The following NTRK3 variants were observed in gnomAD, a reference collection of about 807,000 sequenced individuals.
NTRK3 encodes the protein NT-3 growth factor receptor.
A neutral mutation model predicts 91.7 loss-of-function variants in NTRK3; 24 were observed. The ratio of observed to expected loss-of-function variants is 0.26; its 90% CI spans 0.19 to 0.37. The LOEUF (loss-of-function observed/expected upper bound fraction) is 0.37. Ranked by LOEUF, NTRK3 falls within the 10% of genes least tolerant of loss-of-function variation. The pLI, the probability that NTRK3 is intolerant of heterozygous loss-of-function variation, is 1.00. For synonymous variants in NTRK3, 483 were observed against 404.0 expected (o/e 1.20, Z -2.34); for missense variants, 880 against 1,068.9 (o/e 0.82, Z 2.46).
chr15:87,919,316 C>T (rs954100851), intron 17 of NTRK3, among the ~76,000 whole-genome samples: 3 of 152,132 alleles, frequency 2.0e-5, no homozygotes, highest in Non-Finnish European at 4.4e-5. Flanking sequence ...AGGGCACTTC[C>T]CAGGACTAAT....
chr15:88,226,808 T>C (rs73448685), intron 3 of NTRK3, among the ~76,000 whole-genome samples: 2,349 of 152,294 alleles, frequency 0.015, 55 homozygotes, highest in African/African-American at 0.052. Flanking sequence ...CCAGGCCAAG[T>C]GTTTTGCAGA....
chr15:88,191,163 CGTGT>C (rs60048541), intron 3 of NTRK3, among the ~76,000 whole-genome samples: 31,349 of 137,602 alleles, frequency 0.23, 3,653 homozygotes, highest in African/African-American at 0.33. Context: ...TGATGTTTCC[CGTGT>C]GTGTGTGTGT....
chr15:88,146,989 C>G, intron 6 of NTRK3, among the ~76,000 whole-genome samples: 1 of 151,772 alleles, frequency 6.6e-6, no homozygotes, highest in Non-Finnish European at 1.5e-5. Context: ...GAAAGCATGC[C>G]TAATAGTCTA....
At chr15:87,996,239 G>A (rs1020672557) in intron 14 of NTRK3, among the ~76,000 whole-genome samples, 13 of 151,954 alleles carry the variant, frequency 8.6e-5, no homozygotes, top group African/African-American at 2.2e-4. Context: ...GAGAGACTCC[G>A]TCTCTAAAAA....
At chr15:88,026,259 A>G (rs2078030909) in intron 14 of NTRK3, among the ~76,000 whole-genome samples, 1 of 152,248 alleles carries the variant, frequency 6.6e-6, no homozygotes. Context: ...CGACAGAGTG[A>G]AACTCCGTTT....
intron 17 of NTRK3, chr15:87,908,387 C>T (rs1012090768): frequency 2.5e-6 from 1 of 398,120 alleles, no homozygotes; most frequent in Non-Finnish European, 4.4e-6. Context: ...TGGAAGCAGG[C>T]CCCAGCCCAT....
rs377049777 is a variant in NTRK3, at chr15:88,199,832, T to A, written c.249-15533A>T. Among the ~76,000 whole-genome samples the A allele has an allele frequency of 1.1e-4, 16 of 152,318 alleles. 1 individual carries two copies. The highest frequency in any genetic ancestry group is 3.6e-4 in the African/African-American group (15 of 41,556). On this transcript the variant is annotated intron_variant, in intron 3 of 18. Coordinates refer to ENST00000394480, the Ensembl canonical transcript of NTRK3. ...GAGTTTACTCAAAGATCCCAGGGGC[T>A]TGGGAATGTAGAACCTCACAGCTGG...
At chr15:88,122,238 A>T (rs567829837) in intron 13 of NTRK3, among the ~76,000 whole-genome samples, 1 of 152,374 alleles carries the variant, frequency 6.6e-6, no homozygotes, top group African/African-American at 2.4e-5. Context: ...ATATATGTGT[A>T]CATATACATA....
chr15:87,999,292 C>T (rs2075931618), intron 14 of NTRK3, among the ~76,000 whole-genome samples: 1 of 152,164 alleles, frequency 6.6e-6, no homozygotes, highest in Non-Finnish European at 1.5e-5. Context: ...AGCCTGTAAC[C>T]TTTGATGCTT....
At chr15:87,884,711 G>C (rs1167679915) in intron 17 of NTRK3, among the ~76,000 whole-genome samples, 17 of 151,652 alleles carry the variant, frequency 1.1e-4, no homozygotes, top group Non-Finnish European at 5.9e-5. Flanking sequence ...GGAACCTACT[G>C]TTAAATTTAC....
At chr15:88,209,624 C>A (rs1445205639) in intron 3 of NTRK3, among the ~76,000 whole-genome samples, 1 of 152,218 alleles carries the variant, frequency 6.6e-6, no homozygotes, top group Non-Finnish European at 1.5e-5. Flanking sequence ...TGCTGTGAAG[C>A]CCAGGGTCAG....
At chr15:88,196,390 G>C (rs2047824514) in intron 3 of NTRK3, among the ~76,000 whole-genome samples, 1 of 152,174 alleles carries the variant, frequency 6.6e-6, no homozygotes, top group Admixed American at 6.5e-5. Context: ...AGAAGTCACA[G>C]GATGAAGAAG....
At position 87,931,301 on chromosome 15, in the gene NTRK3, G is replaced by A. The variant is rs76352808; in HGVS notation, c.1889+1711C>T. On this transcript the variant is annotated intron_variant, in intron 16 of 18. Coordinates refer to ENST00000394480, the Ensembl canonical transcript of NTRK3. Reference sequence around the variant, plus strand: ...CCCTTTGGGCCCCAGGGGAACAAAAGGACAAAGTGAGGGCTATCCCGAATA... The same window carrying A: ...CCCTTTGGGCCCCAGGGGAACAAAAAGACAAAGTGAGGGCTATCCCGAATA... 473 of 498,560 alleles carry A rather than the reference G, an allele frequency of 9.5e-4. 3 individuals are homozygous for A. Among genetic ancestry groups the A allele is most frequent in the African/African-American group, 8.1e-3 (417 of 51,556 alleles). The allele number at this position is 498,560 out of a possible 1,614,324, so 30.9% of individuals were successfully genotyped here.
At chr15:87,985,394 G>C (rs1252298370) in intron 14 of NTRK3, among the ~76,000 whole-genome samples, 1 of 152,140 alleles carries the variant, frequency 6.6e-6, no homozygotes, top group Non-Finnish European at 1.5e-5. Flanking sequence ...GGAATAACTG[G>C]ACCCAAAGTG....
intron 5 of NTRK3, among the ~76,000 whole-genome samples, chr15:88,154,432 G>A (rs2043694869): frequency 6.6e-6 from 1 of 152,236 alleles, no homozygotes; most frequent in Non-Finnish European, 1.5e-5. Flanking sequence ...AGCAACTGCT[G>A]CCGCCCAACA....
At chr15:88,039,945 A>C (rs372566831) in intron 13 of NTRK3, among the ~76,000 whole-genome samples, 64 of 152,342 alleles carry the variant, frequency 4.2e-4, no homozygotes, top group African/African-American at 1.4e-3. Flanking sequence ...GTAAATTGTG[A>C]AATGCTGAGA....
At chr15:88,059,802 CT>C (rs1330145826) in intron 13 of NTRK3, among the ~76,000 whole-genome samples, 1 of 152,124 alleles carries the variant, frequency 6.6e-6, no homozygotes, top group Non-Finnish European at 1.5e-5. Flanking sequence ...GAGAAAAGGT[CT>C]TTAAGGGGAT....
chr15:88,163,048 G>C (rs1413374101), intron 5 of NTRK3, among the ~76,000 whole-genome samples: 1 of 152,150 alleles, frequency 6.6e-6, no homozygotes, highest in African/African-American at 2.4e-5. Context: ...GTATCTGGAT[G>C]TCTCTCTCCC....
At chr15:87,990,440 C>T (rs2075197391) in intron 14 of NTRK3, among the ~76,000 whole-genome samples, 1 of 152,126 alleles carries the variant, frequency 6.6e-6, no homozygotes, top group African/African-American at 2.4e-5. Flanking sequence ...CTGCACATCA[C>T]TTTTTATTTC....
Sources: allele counts gnomAD v4.1 joint callset (sites outside exome capture counted in the v4.1 genomes callset), GRCh38; gene constraint gnomAD v4.1.1; transcripts MANE v1.5; gene names NCBI Gene and HGNC (gene_info 2026-07-23, HGNC 2026-07-21).